TTYH2: variants seen among roughly 807,000 people sequenced by gnomAD.
The protein encoded by TTYH2 is protein tweety homolog 2.
A neutral mutation model predicts 68.3 loss-of-function variants in TTYH2; 49 were observed. The observed-to-expected ratio is 0.72, with a 90% confidence interval of 0.57 to 0.91. The LOEUF is 0.91. Among genes scored for constraint, TTYH2 ranks in the 40% least tolerant of loss-of-function variants. TTYH2 has a pLI of 0.00. For synonymous variants in TTYH2, 272 were observed against 300.8 expected (o/e 0.90, Z 0.99); for missense variants, 631 against 700.4 (o/e 0.90, Z 1.12).
chr17:74,244,141 C>G, intron 6 of TTYH2, 92 bp downstream of exon 6: 1 of 1,244,690 alleles, frequency 8.0e-7, no homozygotes. Flanking sequence ...CCGGTCCCAG[C>G]TCCTAACCTA....
chr17:74,234,112 G>T (rs2050417975), intron 3 of TTYH2, among the ~76,000 whole-genome samples: 1 of 152,164 alleles, frequency 6.6e-6, no homozygotes, highest in South Asian at 2.1e-4. Context: ...CACCTGGAAG[G>T]GTTGGTAAAC....
At chr17:74,238,802 G>A (rs1048392290) in intron 4 of TTYH2, among the ~76,000 whole-genome samples, 1 of 151,742 alleles carries the variant, frequency 6.6e-6, no homozygotes, top group African/African-American at 2.4e-5. Context: ...AGGAGGTGGA[G>A]GTTGCAGTGA....
At chr17:74,231,288 GA>G (rs1467414304) in intron 3 of TTYH2, among the ~76,000 whole-genome samples, 3 of 152,224 alleles carry the variant, frequency 2.0e-5, no homozygotes, top group Non-Finnish European at 4.4e-5. Context: ...TTTGTCAAAG[GA>G]GACCTTGAAC....
At position 74,215,615 on chromosome 17, in the gene TTYH2, C is replaced by T. The variant is rs1257017585; in HGVS notation, c.129+1899C>T. 5.2e-6 allele frequency: 8 copies of T among 1,535,318 alleles called. No individual in the cohort carries two copies. In the East Asian group the frequency reaches 1.7e-4, roughly 33 times the overall value. ...CCACTGGCTCCTGGTCCCGCTCACC[C>T]CCTCACCACCACTCAGATCGCTGAG... On this transcript the variant is annotated intron_variant, in intron 1 of 13. Coordinates refer to ENST00000269346, the MANE Select transcript of TTYH2 (RefSeq NM_032646.6). This position sits in a 1 kb window ranked among gnomAD's most constrained non-coding sequence, Gnocchi z 4.3.
chr17:74,228,491 C>T (rs2050354926), intron 2 of TTYH2, among the ~76,000 whole-genome samples: 1 of 152,132 alleles, frequency 6.6e-6, no homozygotes, highest in Non-Finnish European at 1.5e-5. Flanking sequence ...TGATGGATGA[C>T]AAGAGTCAAG....
At chr17:74,245,706 G>T (rs1567818360) in intron 6 of TTYH2, among the ~76,000 whole-genome samples, 1 of 152,238 alleles carries the variant, frequency 6.6e-6, no homozygotes, top group East Asian at 1.9e-4. Context: ...CTTTTGACGG[G>T]CTGGAGATGC....
Position 74,215,737 on chromosome 17 carries a change from G to C in TTYH2, c.129+2021G>C. The C allele has an allele frequency of 6.5e-7, 1 of 1,531,844 alleles. No homozygotes were observed. Among genetic ancestry groups the C allele is most frequent in the Non-Finnish European group, 8.7e-7 (1 of 1,143,440 alleles). 94.9% of individuals were successfully genotyped at this position (1,531,844 alleles called of 1,614,324 possible). On this transcript the variant is annotated intron_variant, in intron 1 of 13. Transcript: ENST00000269346. This position sits in a 1 kb window ranked among gnomAD's most constrained non-coding sequence, Gnocchi z 4.3. ...GGTAAGTTCCCCTGTTGTGACCACA[G>C]GTCTCTCCTGGATGTCTTCTTTCCT... is the stretch of plus-strand genomic sequence containing the variant.
Position 74,261,973 on chromosome 17 carries a change from T to C in TTYH2, c.*1764T>C, listed in dbSNP as rs542847170. ...AACCAGGTGGGCAAACCTTTGCTTA[T>C]ATACATGCGGCCTCACCTGGAAGAG... On this transcript the variant is annotated 3_prime_UTR_variant, in exon 14 of 14. Transcript: ENST00000269346. The C allele has an allele frequency of 3.0e-4, 46 of 152,784 alleles. No homozygotes were observed. Among genetic ancestry groups the C allele is most frequent in the African/African-American group, 1.1e-3 (46 of 41,574 alleles). 9.5% of individuals were successfully genotyped at this position (152,784 alleles called of 1,614,324 possible).
Position 74,250,304 on chromosome 17 carries a change from G to A in TTYH2, c.1063G>A (p.Glu355Lys). 1 of 1,613,746 alleles carries A rather than the reference G, an allele frequency of 6.2e-7. No individual in the cohort carries two copies. The highest frequency in any genetic ancestry group is 8.5e-7 in the Non-Finnish European group (1 of 1,179,862). The part of the protein sequence containing the change: ...LAIQLLLNSS[E>K]SSLHQLTAMV... The stretch of plus-strand genomic sequence containing the variant: ...AATCCAGCTCCTGCTGAACTCCTCA[G>A]AGTCCAGCCTTCACCAGCTGACCGC... Residue 355 changes from glutamate to lysine, a missense_variant, in exon 10 of 14, where the codon GAG becomes AAG. Transcript: ENST00000269346.
Position 74,261,979 on chromosome 17 carries a change from T to C in TTYH2, c.*1770T>C, listed in dbSNP as rs563122655. The C allele has an allele frequency of 3.3e-5, 5 of 152,746 alleles. No individual in the cohort carries two copies. Among genetic ancestry groups the C allele is most frequent in the Non-Finnish European group, 7.3e-5 (5 of 68,036 alleles). 9.5% of individuals were successfully genotyped at this position (152,746 alleles called of 1,614,324 possible). The stretch of plus-strand genomic sequence containing the variant: ...GTGGGCAAACCTTTGCTTATATACA[T>C]GCGGCCTCACCTGGAAGAGAAATAA... On this transcript the variant is annotated 3_prime_UTR_variant, in exon 14 of 14. Transcript: ENST00000269346.
intron 13 of TTYH2, among the ~76,000 whole-genome samples, chr17:74,258,349 T>C (rs2050713691): frequency 6.6e-6 from 1 of 150,954 alleles, no homozygotes; most frequent in African/African-American, 2.4e-5. Context: ...CACTGCAACC[T>C]CCGCTCCCCA....
chr17:74,253,999 G>T (rs992625491), intron 13 of TTYH2, among the ~76,000 whole-genome samples, 166 bp downstream of exon 13: 13 of 152,154 alleles, frequency 8.5e-5, no homozygotes, highest in African/African-American at 2.7e-4. Context: ...CCGCTAAGGA[G>T]ATTGCAAAGA....
intron 6 of TTYH2, among the ~76,000 whole-genome samples, chr17:74,245,642 C>G (rs1415251242): frequency 6.6e-6 from 1 of 152,240 alleles, no homozygotes; most frequent in Non-Finnish European, 1.5e-5. Context: ...TCCCTAATTC[C>G]TCTAGTCAGG....
rs1042368594 is a variant in TTYH2 at position 74,254,666 on chromosome 17, T to C, written c.1524+833T>C. Among the ~76,000 whole-genome samples, 7 of 152,230 alleles carry C rather than the reference T, an allele frequency of 4.6e-5. No homozygotes were observed. In the East Asian group the frequency reaches 1.2e-3, roughly 25 times the overall value. ...TGGATTGTAACACTGGCAAGGGCCA[T>C]ATTCAGCCTTTAAGAAGGTTTGCAG... On this transcript the variant is annotated intron_variant, in intron 13 of 13. Transcript: ENST00000269346.
chr17:74,243,223 C>A, intron 4 of TTYH2, 151 bp from the exon 5 acceptor site: 1 of 660,478 alleles, frequency 1.5e-6, no homozygotes, highest in Non-Finnish European at 2.7e-6. Context: ...GAGGCTTCAG[C>A]CCACGCATGC....
At chr17:74,259,089 T>C (rs767791932) in intron 13 of TTYH2, among the ~76,000 whole-genome samples, 10 of 152,156 alleles carry the variant, frequency 6.6e-5, no homozygotes, top group Non-Finnish European at 1.5e-4. Context: ...AGTAACTAAG[T>C]TCTGTCAGGC....
At chr17:74,253,009 T>C (rs931069956) in intron 11 of TTYH2, 72 bp from the exon 12 acceptor site, 11 of 1,522,918 alleles carry the variant, frequency 7.2e-6, no homozygotes, top group Non-Finnish European at 9.9e-6. Flanking sequence ...GGCAGGGAAG[T>C]AGGACAGGAC....
chr17:74,245,404 G>C (rs902215156), intron 6 of TTYH2, among the ~76,000 whole-genome samples: 1 of 152,264 alleles, frequency 6.6e-6, no homozygotes, highest in Non-Finnish European at 1.5e-5. Context: ...AAGCTGCAGG[G>C]AGCACACGGC....
intron 6 of TTYH2, 53 bp from the exon 7 acceptor site, chr17:74,248,958 C>A: frequency 2.5e-6 from 4 of 1,612,868 alleles, no homozygotes; most frequent in Non-Finnish European, 3.4e-6. Flanking sequence ...CCCAGGGCCC[C>A]GCTGTCCTGA....
Sources: gnomAD v4.1 joint callset for allele counts (sites outside exome capture counted in the v4.1 genomes callset) on GRCh38, gnomAD v4.1.1 for gene constraint, Gnocchi (gnomAD v3.1) non-coding constraint, MANE v1.5 for transcripts, NCBI Gene and HGNC (gene_info 2026-07-23, HGNC 2026-07-21) for gene names.